Variants in CMTM3 observed in about 807,000 individuals in gnomAD.
The protein encoded by CMTM3 is CKLF-like MARVEL transmembrane domain-containing protein 3.
Under a neutral mutation model 18.2 loss-of-function variants are expected in CMTM3, and 7 were observed. The observed-to-expected ratio is 0.38, with a 90% confidence interval of 0.22 to 0.72. CMTM3 has a LOEUF of 0.72. Ranked by LOEUF, CMTM3 falls within the 30% of genes least tolerant of loss-of-function variation. The probability of loss-of-function intolerance (pLI) is 0.46; values close to 1 mark genes in which losing one functional copy is unlikely to be tolerated. For synonymous variants in CMTM3, 109 were observed against 111.2 expected, an observed-to-expected ratio of 0.98 and a Z score of 0.12; for missense variants, 227 against 249.2, an observed-to-expected ratio of 0.91 and a Z score of 0.60.
Position 66,613,079 on chromosome 16 carries a change from T to C in CMTM3, c.*442T>C. 2 of 703,044 alleles carry C rather than the reference T, an allele frequency of 2.8e-6. No individual in the cohort carries two copies. The highest frequency in any genetic ancestry group is 1.5e-5 in the South Asian group (1 of 67,600). The allele number at this position is 703,044 out of a possible 1,614,324, so 43.6% of individuals were successfully genotyped here. ...CCCGCCAGGCCCCGGTGGGTTTGTC[T>C]GCACTTGGTGCTCCTGCCCACACCA... On this transcript the variant is annotated 3_prime_UTR_variant, in exon 5 of 5. Coordinates refer to ENST00000567572, the MANE Select transcript of CMTM3 (RefSeq NM_181553.4).
upstream of CMTM3, chr16:66,604,618 C>T (rs1227615166): frequency 3.3e-6 from 1 of 299,482 alleles, no homozygotes; most frequent in Non-Finnish European, 4.9e-6. Context: ...CCCCCGCAGC[C>T]GGGGTCCGAG....
Position 66,612,788 on chromosome 16 carries a change from T to C in CMTM3, c.*151T>C. 1 of 746,792 alleles carries C rather than the reference T, an allele frequency of 1.3e-6. No individual in the cohort carries two copies. Among genetic ancestry groups the C allele is most frequent in the South Asian group, 1.8e-5 (1 of 55,322 alleles). 46.3% of individuals were successfully genotyped at this position (746,792 alleles called of 1,614,324 possible). A position where few individuals can be genotyped will look rare whatever the true frequency, so the allele number is the denominator to read the frequency against. Reference sequence around the variant, plus strand: ...GCCCCCTACAGCCTCAGGTTCTGCCTGAGCCCAGCCTACCAGGCTTGCCCC... The same window carrying C: ...GCCCCCTACAGCCTCAGGTTCTGCCCGAGCCCAGCCTACCAGGCTTGCCCC... On this transcript the variant is annotated 3_prime_UTR_variant, in exon 5 of 5. Transcript: ENST00000567572. This position sits in a 1 kb window ranked among gnomAD's most constrained non-coding sequence, Gnocchi z 6.0.
Position 66,609,483 on chromosome 16 carries a change from A to T in CMTM3, c.352A>T (p.Ile118Phe). 6.2e-7 allele frequency: 1 copy of T among 1,611,824 alleles called. No individual in the cohort carries two copies. Among genetic ancestry groups the T allele is most frequent in the Non-Finnish European group, 8.5e-7 (1 of 1,179,154 alleles). Residue 118 changes from isoleucine (I) to phenylalanine (F), a missense_variant, in exon 3 of 5, where the codon ATC becomes TTC. Coordinates refer to ENST00000567572, the MANE Select transcript of CMTM3 (RefSeq NM_181553.4). The surrounding 1 kb of genome is among the most constrained non-coding windows in gnomAD (Gnocchi z 4.4). ...TAALIYFAIS[I>F]TAIAKYSDGA... The stretch of plus-strand genomic sequence containing the variant: ...GGCCCTCATCTACTTTGCTATCTCC[A>T]TCACGGCCATCGCCAAGTACTCGGA...
At position 66,610,779 on chromosome 16, in the gene CMTM3, C is replaced by G. The variant is rs1447266600; in HGVS notation, c.520+776C>G. 3 of 398,570 alleles carry G rather than the reference C, an allele frequency of 7.5e-6. No homozygotes were observed. The highest frequency in any genetic ancestry group is 1.3e-5 in the Non-Finnish European group (3 of 226,174). The allele number at this position is 398,570 out of a possible 1,614,324, so 24.7% of individuals were successfully genotyped here. A position where few individuals can be genotyped will look rare whatever the true frequency, so the allele number is the denominator to read the frequency against. ...CAGCTCTGGAAGGGCCTGCAGGCCC[C>G]ACCCTGTGGTTGGGATCTTCCCTAG... On this transcript the variant is annotated intron_variant, in intron 4 of 4. Coordinates refer to ENST00000567572, the MANE Select transcript of CMTM3 (RefSeq NM_181553.4). This position sits in a 1 kb window ranked among gnomAD's most constrained non-coding sequence, Gnocchi z 4.6.
chr16:66,610,135 A>G lies in CMTM3; in HGVS notation c.520+132A>G, dbSNP rs374440715. On this transcript the variant is annotated intron_variant, in intron 4 of 4. Coordinates refer to ENST00000567572, the MANE Select transcript of CMTM3 (RefSeq NM_181553.4). The surrounding 1 kb of genome is among the most constrained non-coding windows in gnomAD (Gnocchi z 4.6). ...ATGGCAGGAAGTGTTTTCACAGCCC[A>G]TTCTCACCTACCCTCATGCAGCACT... 14 of 1,124,478 alleles carry G rather than the reference A, an allele frequency of 1.2e-5. No homozygotes were observed. The highest frequency in any genetic ancestry group is 2.4e-5 in the East Asian group (1 of 41,974). The allele number at this position is 1,124,478 out of a possible 1,614,324, so 69.7% of individuals were successfully genotyped here. A position where few individuals can be genotyped will look rare whatever the true frequency, so the allele number is the denominator to read the frequency against.
Position 66,613,511 on chromosome 16 carries a change from A to G in CMTM3, c.*874A>G, listed in dbSNP as rs2015461601. 1 of 207,668 alleles carries G rather than the reference A, an allele frequency of 4.8e-6. No homozygotes were observed. Among genetic ancestry groups the G allele is most frequent in the African/African-American group, 2.3e-5 (1 of 44,238 alleles). 12.9% of individuals were successfully genotyped at this position (207,668 alleles called of 1,614,324 possible). On this transcript the variant is annotated 3_prime_UTR_variant, in exon 5 of 5. Transcript: ENST00000567572. ...ATGGGCCACTGCAGGAGATGAGACC[A>G]GCCTTCTGTGTTCACCTAACGATTT...
chr16:66,608,517 G>A lies in CMTM3; in HGVS notation c.303+53G>A. 2 of 1,579,906 alleles carry A rather than the reference G, an allele frequency of 1.3e-6. No homozygotes were observed. Among genetic ancestry groups the A allele is most frequent in the Non-Finnish European group, 1.7e-6 (2 of 1,155,872 alleles). ...GGTGCCCTGCACAAAGTGGCCAGATGAGGAGTCCAGAGTCGTGCACTTGGG... is the reference window on the plus strand; with the variant it reads ...GGTGCCCTGCACAAAGTGGCCAGATAAGGAGTCCAGAGTCGTGCACTTGGG... On this transcript the variant is annotated intron_variant, in intron 2 of 4. Coordinates refer to ENST00000567572, the MANE Select transcript of CMTM3 (RefSeq NM_181553.4). This position sits in a 1 kb window ranked among gnomAD's most constrained non-coding sequence, Gnocchi z 5.1.
At position 66,605,077 on chromosome 16, in the gene CMTM3, C is replaced by A; in HGVS notation, c.147+125C>A. ...CTCCGATACCCCCTCTCCGCGCCGC[C>A]TCGGCCGACTTCTCTCGGGCGCCTG... On this transcript the variant is annotated intron_variant, in intron 1 of 4. Transcript: ENST00000567572. This position sits in a 1 kb window ranked among gnomAD's most constrained non-coding sequence, Gnocchi z 4.6. 2 of 899,696 alleles carry A rather than the reference C, an allele frequency of 2.2e-6. No individual in the cohort carries two copies. Among genetic ancestry groups the A allele is most frequent in the Non-Finnish European group, 3.0e-6 (2 of 671,866 alleles). 55.7% of individuals were successfully genotyped at this position (899,696 alleles called of 1,614,324 possible).
chr16:66,609,403 G>A lies in CMTM3; in HGVS notation c.304-32G>A, dbSNP rs1436550851. The A allele has an allele frequency of 1.9e-6, 3 of 1,592,656 alleles. No homozygotes were observed. The highest frequency in any genetic ancestry group is 2.2e-5 in the South Asian group (2 of 89,488). On this transcript the variant is annotated intron_variant, in intron 2 of 4. Transcript: ENST00000567572. The surrounding 1 kb of genome is among the most constrained non-coding windows in gnomAD (Gnocchi z 4.4). ...CTCCCCATGCTGTGCTCAGCTCCAG[G>A]GGCTCAGGGCAGCATGCCCCTCTCT...
At position 66,612,890 on chromosome 16, in the gene CMTM3, C is replaced by G. The variant is rs2015436079; in HGVS notation, c.*253C>G. The G allele has an allele frequency of 1.6e-5, 10 of 614,270 alleles. No homozygotes were observed. Among genetic ancestry groups the G allele is most frequent in the African/African-American group, 3.7e-5 (2 of 54,284 alleles). 38.1% of individuals were successfully genotyped at this position (614,270 alleles called of 1,614,324 possible). ...ACTCCTTCTCCCCATTTCTGTCCCA[C>G]AGGCCTTCAGCCCTTTAACGTCTCT... On this transcript the variant is annotated 3_prime_UTR_variant, in exon 5 of 5. Coordinates refer to ENST00000567572, the MANE Select transcript of CMTM3 (RefSeq NM_181553.4). This position sits in a 1 kb window ranked among gnomAD's most constrained non-coding sequence, Gnocchi z 6.0.
At position 66,612,357 on chromosome 16, in the gene CMTM3, G is replaced by A. The variant is rs1268407296; in HGVS notation, c.521-252G>A. ...GCCATTGCACTCCAGCCTGGGTGAT[G>A]AGCAAGACTCTGTCTCAAAGACAAA... On this transcript the variant is annotated intron_variant, in intron 4 of 4. Coordinates refer to ENST00000567572, the MANE Select transcript of CMTM3 (RefSeq NM_181553.4). This position sits in a 1 kb window ranked among gnomAD's most constrained non-coding sequence, Gnocchi z 6.0. Among the ~76,000 whole-genome samples, 1 of 152,126 alleles carries A rather than the reference G, an allele frequency of 6.6e-6. No individual in the cohort carries two copies. Among genetic ancestry groups the A allele is most frequent in the Non-Finnish European group, 1.5e-5 (1 of 68,010 alleles).
chr16:66,613,081 C>T lies in CMTM3; in HGVS notation c.*444C>T. 1 of 703,044 alleles carries T rather than the reference C, an allele frequency of 1.4e-6. No homozygotes were observed. The highest frequency in any genetic ancestry group is 2.6e-6 in the Non-Finnish European group (1 of 385,006). 43.6% of individuals were successfully genotyped at this position (703,044 alleles called of 1,614,324 possible). ...CGCCAGGCCCCGGTGGGTTTGTCTG[C>T]ACTTGGTGCTCCTGCCCACACCAGC... is the stretch of plus-strand genomic sequence containing the variant. On this transcript the variant is annotated 3_prime_UTR_variant, in exon 5 of 5. Coordinates refer to ENST00000567572, the MANE Select transcript of CMTM3 (RefSeq NM_181553.4).
chr16:66,604,666 C>A, upstream of CMTM3: 1 of 440,926 alleles, frequency 2.3e-6, no homozygotes, highest in Non-Finnish European at 2.9e-6. Flanking sequence ...GGGGGCGGGG[C>A]GGGGCGTGGC....
In CMTM3 at chr16:66,612,401, A is replaced by G. The variant is rs187750423; in HGVS notation, c.521-208A>G. Reference sequence around the variant, plus strand: ...AGACAAAAAACAACAACAAAAAAAAAAGAGAGAGAGAAAGTGGCTGCTGCC... The same window carrying G: ...AGACAAAAAACAACAACAAAAAAAAGAGAGAGAGAGAAAGTGGCTGCTGCC... On this transcript the variant is annotated intron_variant, in intron 4 of 4. Transcript: ENST00000567572. The surrounding 1 kb of genome is among the most constrained non-coding windows in gnomAD (Gnocchi z 6.0). Among the ~76,000 whole-genome samples the G allele has an allele frequency of 2.7e-3, 411 of 152,090 alleles. 2 individuals are homozygous for G. The highest frequency in any genetic ancestry group is 8.9e-3 in the African/African-American group (370 of 41,514).
At chr16:66,606,513 CT>C (rs113992855) in intron 1 of CMTM3, among the ~76,000 whole-genome samples, 7,110 of 152,204 alleles carry the variant, frequency 0.047, 301 homozygotes, top group East Asian at 0.16. Flanking sequence ...TGGGGACCCC[CT>C]GGGATCCCTG....
In CMTM3 at chr16:66,605,016, T is replaced by C; in HGVS notation, c.147+64T>C. 1 of 1,347,204 alleles carries C rather than the reference T, an allele frequency of 7.4e-7. No individual in the cohort carries two copies. The highest frequency in any genetic ancestry group is 3.7e-5 in the Admixed American group (1 of 27,128). 83.5% of individuals were successfully genotyped at this position (1,347,204 alleles called of 1,614,324 possible). A position where few individuals can be genotyped will look rare whatever the true frequency, so the allele number is the denominator to read the frequency against. On this transcript the variant is annotated intron_variant, in intron 1 of 4. Transcript: ENST00000567572. This position sits in a 1 kb window ranked among gnomAD's most constrained non-coding sequence, Gnocchi z 4.6. ...GCGCGGCTCCTTTCGGAGGAGGACGTCGGGGCGCGGGTGGGGTCCGGGGGC... is the reference window on the plus strand; with the variant it reads ...GCGCGGCTCCTTTCGGAGGAGGACGCCGGGGCGCGGGTGGGGTCCGGGGGC...
intron 4 of CMTM3, chr16:66,611,167 T>C (rs1171745645): frequency 3.7e-6 from 1 of 272,268 alleles, no homozygotes; most frequent in Non-Finnish European, 6.8e-6. Context: ...GAATTGAATA[T>C]AGCAGCCAGG....
Position 66,609,914 on chromosome 16 carries a change from C to G in CMTM3, c.431C>G (p.Ala144Gly). 6.2e-7 allele frequency: 1 copy of G among 1,614,138 alleles called. No homozygotes were observed. Among genetic ancestry groups the G allele is most frequent in the Non-Finnish European group, 8.5e-7 (1 of 1,180,018 alleles). ...GGCTTCTTTGCTACCATCGTGTTTG[C>G]AACTGATTTCTACCTGATCTTTAAC... ...VFGFFATIVF[A>G]TDFYLIFNDV... is the part of the protein sequence containing the mutation. Residue 144 changes from alanine to glycine, a missense_variant, in exon 4 of 5, where the codon GCA (alanine) becomes GGA (glycine). Ala to Gly is a moderately conservative substitution (Grantham distance 60, BLOSUM62 0). Coordinates refer to ENST00000567572, the MANE Select transcript of CMTM3 (RefSeq NM_181553.4). The surrounding 1 kb of genome is among the most constrained non-coding windows in gnomAD (Gnocchi z 4.4).
chr16:66,611,141 C>A, intron 4 of CMTM3: 1 of 351,232 alleles, frequency 2.8e-6, no homozygotes, highest in Non-Finnish European at 5.1e-6. Context: ...TAAAATTATT[C>A]TTGACTTATA....
Sources: allele counts gnomAD v4.1 joint callset (sites outside exome capture counted in the v4.1 genomes callset), GRCh38; gene constraint gnomAD v4.1.1; non-coding constraint Gnocchi (gnomAD v3.1); transcripts MANE v1.5; gene names NCBI Gene and HGNC (gene_info 2026-07-23, HGNC 2026-07-21).